The following UGT1A1 variants were observed in gnomAD, a reference collection of about 807,000 sequenced individuals.
UGT1A1 encodes UDP-glucuronosyltransferase 1A1.
UGT1A1 carries 33 observed loss-of-function variants against 40.6 expected under a neutral mutation model. That is an observed-to-expected ratio of 0.81 (90% CI 0.62 to 1.09). The LOEUF (loss-of-function observed/expected upper bound fraction) is 1.09, where lower values mean the gene tolerates loss of function less well. Ranked by LOEUF, UGT1A1 falls within the 50% of genes least tolerant of loss-of-function variation. The pLI, the probability that UGT1A1 is intolerant of heterozygous loss-of-function variation, is 0.00. For synonymous variants in UGT1A1, 249 were observed against 265.0 expected (o/e 0.94, Z 0.59); for missense variants, 694 against 671.2 (o/e 1.03, Z -0.38).
chr2:233,763,329 T>A (rs752568926), intron 1 of UGT1A1, among the ~76,000 whole-genome samples: 30 of 152,234 alleles, frequency 2.0e-4, no homozygotes, highest in Non-Finnish European at 3.5e-4. Context: ...ATTATTTTTG[T>A]TTACATTTCC....
intron 1 of UGT1A1, among the ~76,000 whole-genome samples, chr2:233,763,394 A>G (rs567930530): frequency 6.6e-6 from 1 of 152,328 alleles, no homozygotes; most frequent in South Asian, 2.1e-4. Context: ...TTTAAACAAC[A>G]TGGCACTGGT....
chr2:233,769,433 A>G lies in UGT1A1; in HGVS notation c.1304+994A>G. The G allele has an allele frequency of 6.5e-7, 1 of 1,549,602 alleles. No homozygotes were observed. Among genetic ancestry groups the G allele is most frequent in the Non-Finnish European group, 8.9e-7 (1 of 1,128,216 alleles). ...TGCGTTTGTGCATGTGGCTGTGCTC[A>G]TGTGTGGGTGCACACGTGTGCATTC... is the stretch of plus-strand genomic sequence containing the variant. On this transcript the variant is annotated intron_variant, in intron 4 of 4. Coordinates refer to ENST00000305208, the MANE Select transcript of UGT1A1 (RefSeq NM_000463.3). This position sits in a 1 kb window ranked among gnomAD's most constrained non-coding sequence, Gnocchi z 4.4.
At chr2:233,765,774 T>C (rs944173037) in intron 1 of UGT1A1, among the ~76,000 whole-genome samples, 1 of 152,060 alleles carries the variant, frequency 6.6e-6, no homozygotes, top group Non-Finnish European at 1.5e-5. Context: ...GGGGGATTCA[T>C]TGGACCACTG....
chr2:233,770,182 A>T (rs778207496), intron 4 of UGT1A1: 1 of 152,262 alleles, frequency 6.6e-6, no homozygotes, highest in Non-Finnish European at 1.5e-5. Flanking sequence ...CAACTTATTA[A>T]CTAACTTTCA....
In UGT1A1 at chr2:233,760,969, TC is replaced by T; in HGVS notation, c.686del (p.Pro229ArgfsTer14). The stretch of plus-strand genomic sequence containing the variant: ...GAACTTTCTGTGCGACGTGGTTTAT[TC>T]CCCGTATGCAACCCTTGCCTCAGAA... ...SQNFLCDVVY[S>X]PYATLASEFL... On this transcript the variant is annotated frameshift_variant, in exon 1 of 5. Transcript: ENST00000305208. LOFTEE classifies it high-confidence loss of function. 1 of 1,614,196 alleles carries T rather than the reference TC, an allele frequency of 6.2e-7. No homozygotes were observed. Among genetic ancestry groups the T allele is most frequent in the Admixed American group, 1.7e-5 (1 of 60,022 alleles).
Position 233,768,377 on chromosome 2 carries a change from T to A in UGT1A1, c.1242T>A (p.Asn414Lys), listed in dbSNP as rs763012065. The change falls in exon 4 of 5, where the codon AAT (asparagine) becomes AAA (lysine). Residue 414 changes from asparagine (N) to lysine (K), a missense_variant. Asn to Lys is a moderately conservative substitution (Grantham distance 94). Transcript: ENST00000305208. The part of the protein sequence containing the change: ...METKGAGVTL[N>K]VLEMTSEDLE... ...CTAAGGGAGCTGGAGTGACCCTGAA[T>A]GTTCTGGAAATGACTTCTGAAGATT... 1 of 1,614,172 alleles carries A rather than the reference T, an allele frequency of 6.2e-7. No individual in the cohort carries two copies. The highest frequency in any genetic ancestry group is 8.5e-7 in the Non-Finnish European group (1 of 1,180,050).
Position 233,760,935 on chromosome 2 carries a change from C to CT in UGT1A1, c.652dup (p.Ser218PhefsTer40). On this transcript the variant is annotated frameshift_variant, in exon 1 of 5. Coordinates refer to ENST00000305208, the MANE Select transcript of UGT1A1 (RefSeq NM_000463.3). LOFTEE classifies it high-confidence loss of function. ...AGCGGGTGAAGAACATGCTCATTGCCTTTTCACAGAACTTTCTGTGCGACG... is the reference window on the plus strand; with the variant it reads ...AGCGGGTGAAGAACATGCTCATTGCCTTTTTCACAGAACTTTCTGTGCGACG... 6.2e-7 allele frequency: 1 copy of CT among 1,614,200 alleles called. No individual in the cohort carries two copies. Among genetic ancestry groups the CT allele is most frequent in the Non-Finnish European group, 8.5e-7 (1 of 1,180,050 alleles).
At position 233,767,890 on chromosome 2, in the gene UGT1A1, G is replaced by A. The variant is rs770433443; in HGVS notation, c.1038G>A (p.Ala346=). The A allele has an allele frequency of 2.3e-5, 37 of 1,613,976 alleles. 1 individual carries two copies. The highest frequency in any genetic ancestry group is 1.6e-4 in the Middle Eastern group (1 of 6,082). The part of the protein sequence containing the change: ...RYTGTRPSNL[A]NNTILVKWLP... ...CTGGAACCCGACCATCGAATCTTGC[G>A]AACAACACGATACTTGTTAAGTGGC... is the stretch of plus-strand genomic sequence containing the variant. The change falls in exon 3 of 5, where the codon GCG becomes GCA. Residue 346 remains alanine (A), a synonymous_variant. Transcript: ENST00000305208.
intron 3 of UGT1A1, 80 bp from the exon 4 acceptor site, chr2:233,768,140 A>T: frequency 6.2e-7 from 1 of 1,609,884 alleles, no homozygotes; most frequent in Non-Finnish European, 8.5e-7. Flanking sequence ...GAGTCTTTGG[A>T]GTGTTTTCAG....
chr2:233,768,117 TGTGA>T, intron 3 of UGT1A1, 99 bp from the exon 4 acceptor site: 1 of 1,600,038 alleles, frequency 6.2e-7, no homozygotes, highest in Non-Finnish European at 8.5e-7. Flanking sequence ...TGCAAGGGCA[TGTGA>T]GTAACACTGA....
rs199766420 is a variant in UGT1A1 at position 233,760,764 on chromosome 2, C to A, written c.477C>A (p.Ile159=). 8.1e-6 allele frequency: 13 copies of A among 1,614,088 alleles called. No individual in the cohort carries two copies. The highest frequency in any genetic ancestry group is 1.0e-5 in the Non-Finnish European group (12 of 1,179,972). ...ACCCTTTCCTTCCTTGCAGCCCCATCGTGGCCCAGTACCTGTCTCTGCCCA... is the reference window on the plus strand; with the variant it reads ...ACCCTTTCCTTCCTTGCAGCCCCATAGTGGCCCAGTACCTGTCTCTGCCCA... The part of the protein sequence containing the change: ...LTDPFLPCSP[I]VAQYLSLPTV... The change falls in exon 1 of 5, where the codon ATC becomes ATA. Residue 159 remains isoleucine (I), a synonymous_variant. Transcript: ENST00000305208.
At chr2:233,772,194 T>C (rs921300076) in intron 4 of UGT1A1, 68 bp from the exon 5 acceptor site, 7 of 1,602,000 alleles carry the variant, frequency 4.4e-6, no homozygotes, top group Non-Finnish European at 6.0e-6. Context: ...TAAGCAGCCA[T>C]GAGCATAAAG....
rs1553620689 is a variant in UGT1A1 at position 233,760,497 on chromosome 2, C to T, written c.210C>T (p.Asp70=). 2.5e-6 allele frequency: 4 copies of T among 1,614,200 alleles called. No individual in the cohort carries two copies. Among genetic ancestry groups the T allele is most frequent in the East Asian group, 2.2e-5 (1 of 44,886 alleles). ...LAPDASLYIR[D]GAFYTLKTYP... is the part of the protein sequence containing the mutation. ...CTGACGCCTCGTTGTACATCAGAGA[C>T]GGAGCATTTTACACCTTGAAGACGT... Residue 70 remains aspartate (D), a synonymous_variant, in exon 1 of 5, where the codon GAC becomes GAT. Coordinates refer to ENST00000305208, the MANE Select transcript of UGT1A1 (RefSeq NM_000463.3).
At chr2:233,764,979 T>C (rs775533661) in intron 1 of UGT1A1, among the ~76,000 whole-genome samples, 2 of 151,670 alleles carry the variant, frequency 1.3e-5, no homozygotes, top group Non-Finnish European at 2.9e-5. Flanking sequence ...GGATGGTCAG[T>C]GTCTGGGGCT....
intron 1 of UGT1A1, among the ~76,000 whole-genome samples, chr2:233,765,617 G>A (rs988431612): frequency 6.6e-6 from 1 of 151,904 alleles, no homozygotes; most frequent in Non-Finnish European, 1.5e-5. Flanking sequence ...GGGGTGAGGG[G>A]TGAGGGGAGG....
At chr2:233,765,924 G>C (rs1285485148) in intron 1 of UGT1A1, among the ~76,000 whole-genome samples, 1 of 152,060 alleles carries the variant, frequency 6.6e-6, no homozygotes, top group East Asian at 1.9e-4. Context: ...GCATACAGAC[G>C]GGCAGGTTGT....
chr2:233,763,409 T>C (rs1698304893), intron 1 of UGT1A1, among the ~76,000 whole-genome samples: 1 of 152,246 alleles, frequency 6.6e-6, no homozygotes, highest in Admixed American at 6.5e-5. Flanking sequence ...ACTGGTATTT[T>C]TAATCCAGTC....
At chr2:233,767,966 A>G in intron 3 of UGT1A1, 30 bp downstream of exon 3, 1 of 1,614,232 alleles carries the variant, frequency 6.2e-7, no homozygotes, top group South Asian at 1.1e-5. Flanking sequence ...TGTATAGGTC[A>G]AACCAGGGTC....
rs1358825451 is a variant in UGT1A1, at chr2:233,772,781, A to T, written c.*222A>T. ...TATCGTGCCCCCTCTGGTGTCTTTG[A>T]TCAGGATGACATGTGCCATTTTTCA... On this transcript the variant is annotated 3_prime_UTR_variant, in exon 5 of 5. Transcript: ENST00000305208. The T allele has an allele frequency of 2.3e-6, 3 of 1,287,486 alleles. No homozygotes were observed. Among genetic ancestry groups the T allele is most frequent in the Non-Finnish European group, 3.1e-6 (3 of 975,386 alleles). The allele number at this position is 1,287,486 out of a possible 1,614,324, so 79.8% of individuals were successfully genotyped here.
Sources: allele counts gnomAD v4.1 joint callset (sites outside exome capture counted in the v4.1 genomes callset), GRCh38; gene constraint gnomAD v4.1.1; non-coding constraint Gnocchi (gnomAD v3.1); transcripts MANE v1.5; gene names NCBI Gene and HGNC (gene_info 2026-07-23, HGNC 2026-07-21).